The following CAPZB variants were observed in gnomAD, a reference collection of about 807,000 sequenced individuals.
CAPZB encodes capping actin protein of muscle Z-line subunit beta, also known as F-actin-capping protein subunit beta.
In CAPZB, 2 loss-of-function variants were observed where a neutral mutation model predicts 38.1. That is an observed-to-expected ratio of 0.05 (90% confidence interval 0.02 to 0.17). The LOEUF is 0.17. Ranked by LOEUF, CAPZB falls within the 10% of genes least tolerant of loss-of-function variation. The pLI is 1.00. For synonymous variants in CAPZB, 107 were observed against 127.4 expected (o/e 0.84, Z 1.08); for missense variants, 161 against 334.2 (o/e 0.48, Z 4.04).
intron 1 of CAPZB, among the ~76,000 whole-genome samples, chr1:19,480,661 C>G (rs938281884): frequency 6.6e-6 from 1 of 152,214 alleles, no homozygotes; most frequent in Non-Finnish European, 1.5e-5. Context: ...CCTCCAGTCA[C>G]AGGGGGTTCC....
intron 2 of CAPZB, among the ~76,000 whole-genome samples, chr1:19,389,804 G>A (rs898957652): frequency 6.6e-6 from 1 of 152,156 alleles, no homozygotes; most frequent in African/African-American, 2.4e-5. Context: ...TTCAGGGCCT[G>A]GCCCAAACTC....
chr1:19,421,300 T>A (rs1250498472), intron 1 of CAPZB, among the ~76,000 whole-genome samples: 2 of 152,200 alleles, frequency 1.3e-5, no homozygotes, highest in African/African-American at 4.8e-5. Flanking sequence ...CACTTCATAG[T>A]CACCAGAGAC....
intron 3 of CAPZB, among the ~76,000 whole-genome samples, chr1:19,380,437 T>C (rs1570049451): frequency 6.6e-6 from 1 of 152,308 alleles, no homozygotes; most frequent in East Asian, 1.9e-4. Flanking sequence ...TCGCACACCA[T>C]GGGAAGCAAA....
chr1:19,404,575 GA>G (rs896803756), intron 2 of CAPZB, among the ~76,000 whole-genome samples: 1 of 148,088 alleles, frequency 6.8e-6, no homozygotes, highest in Admixed American at 6.7e-5. Flanking sequence ...GAGGTAATGG[GA>G]AAAATGCTCG....
intron 6 of CAPZB, among the ~76,000 whole-genome samples, chr1:19,351,075 C>A (rs913563418): frequency 6.6e-6 from 1 of 151,110 alleles, no homozygotes; most frequent in African/African-American, 2.4e-5. Context: ...CTCTGCCTCC[C>A]GGGTTCAAGT....
At chr1:19,344,980 A>G (rs1388156736) in intron 7 of CAPZB, among the ~76,000 whole-genome samples, 3 of 152,194 alleles carry the variant, frequency 2.0e-5, no homozygotes, top group African/African-American at 4.8e-5. Context: ...GGGGTGGAGC[A>G]GGAGGTGGCC....
At chr1:19,417,909 G>A (rs560288571) in intron 2 of CAPZB, among the ~76,000 whole-genome samples, 11 of 152,164 alleles carry the variant, frequency 7.2e-5, no homozygotes, top group Non-Finnish European at 1.3e-4. Flanking sequence ...GGCCGAGACA[G>A]GCAGATCACT....
At chr1:19,346,969 G>A (rs2093964902) in intron 6 of CAPZB, among the ~76,000 whole-genome samples, 1 of 151,528 alleles carries the variant, frequency 6.6e-6, no homozygotes, top group African/African-American at 2.4e-5. Flanking sequence ...GATTACAGGT[G>A]CCCACCACCA....
At chr1:19,448,745 C>T (rs2094504500) in intron 1 of CAPZB, 1 of 1,479,526 alleles carries the variant, frequency 6.8e-7, no homozygotes, top group South Asian at 1.2e-5. Context: ...ATTTACTTCT[C>T]CCTTCACCCT....
chr1:19,456,167 C>A (rs984978406), intron 1 of CAPZB, among the ~76,000 whole-genome samples: 2 of 152,216 alleles, frequency 1.3e-5, no homozygotes, highest in African/African-American at 4.8e-5. Flanking sequence ...CTGCCTTGGC[C>A]TCCCAAAGTG....
intron 2 of CAPZB, among the ~76,000 whole-genome samples, chr1:19,396,786 CAAA>C (rs35949767): frequency 4.9e-5 from 6 of 121,382 alleles, no homozygotes; most frequent in Non-Finnish European, 5.2e-5. Context: ...AATAAAAATA[CAAA>C]AAAAAAAAAA....
intron 1 of CAPZB, among the ~76,000 whole-genome samples, chr1:19,481,533 G>A (rs1027279358): frequency 6.6e-6 from 1 of 152,180 alleles, no homozygotes; most frequent in Non-Finnish European, 1.5e-5. Context: ...TAAAATGGGG[G>A]CTGGGCTATA....
intron 1 of CAPZB, among the ~76,000 whole-genome samples, chr1:19,420,318 C>T (rs976217192): frequency 1.3e-5 from 2 of 152,212 alleles, no homozygotes; most frequent in African/African-American, 4.8e-5. Flanking sequence ...GCTCACTCCA[C>T]CCAGCAAACT....
At chr1:19,457,032 G>T (rs1448546665) in intron 1 of CAPZB, among the ~76,000 whole-genome samples, 1 of 152,152 alleles carries the variant, frequency 6.6e-6, no homozygotes, top group Non-Finnish European at 1.5e-5. Context: ...TAGCCTAAAG[G>T]GTTAGGGTTA....
intron 2 of CAPZB, among the ~76,000 whole-genome samples, chr1:19,390,816 C>G (rs1407120635): frequency 6.6e-6 from 1 of 152,158 alleles, no homozygotes; most frequent in Non-Finnish European, 1.5e-5. Flanking sequence ...CGTGGAAGGA[C>G]CAGGTGATCG....
chr1:19,465,687 C>A (rs919615309), intron 1 of CAPZB, among the ~76,000 whole-genome samples: 1 of 152,062 alleles, frequency 6.6e-6, no homozygotes, highest in East Asian at 1.9e-4. Flanking sequence ...AGAATGAAAA[C>A]CTCTGGATCT....
intron 2 of CAPZB, among the ~76,000 whole-genome samples, chr1:19,412,142 C>T (rs1022907795): frequency 5.3e-5 from 8 of 152,168 alleles, no homozygotes; most frequent in Non-Finnish European, 1.2e-4. Context: ...CCTTGTAAAA[C>T]GGGAACTATA....
Position 19,485,520 on chromosome 1 carries a change from G to A in CAPZB, c.-82C>T, listed in dbSNP as rs574790740. ...CAGGGCCCGGCGCTTCCACTTCCCC[G>A]GGTGCCCAGGAGTGAACATCCGGGT... On this transcript the variant is annotated 5_prime_UTR_variant, in exon 1 of 9. Transcript: ENST00000264202. 1.5e-4 allele frequency: 179 copies of A among 1,161,330 alleles called. No homozygotes were observed. The African/African-American group carries it at 2.3e-3, about 15-fold the overall frequency. The allele number at this position is 1,161,330 out of a possible 1,614,324, so 71.9% of individuals were successfully genotyped here. A position where few individuals can be genotyped will look rare whatever the true frequency, so the allele number is the denominator to read the frequency against.
intron 6 of CAPZB, among the ~76,000 whole-genome samples, chr1:19,354,481 C>T (rs1268123567): frequency 1.3e-5 from 2 of 152,208 alleles, no homozygotes; most frequent in Admixed American, 6.5e-5. Context: ...CTTTAATGCA[C>T]CTCAAATGAA....
Sources: gnomAD v4.1 joint callset for allele counts (sites outside exome capture counted in the v4.1 genomes callset) on GRCh38, gnomAD v4.1.1 for gene constraint, MANE v1.5 for transcripts, NCBI Gene and HGNC (gene_info 2026-07-23, HGNC 2026-07-21) for gene names.